GAB4: variants seen among roughly 807,000 people sequenced by gnomAD.
The protein encoded by GAB4 is GRB2-associated-binding protein 4.
GAB4 carries 26 observed loss-of-function variants against 51.3 expected under a neutral mutation model. That is an observed-to-expected ratio of 0.51 (90% CI 0.37 to 0.70). GAB4 has a LOEUF of 0.70. Ranked by LOEUF, GAB4 falls within the 30% of genes least tolerant of loss-of-function variation. GAB4 has a pLI of 0.00. For missense variants in GAB4, 759 were observed against 734.6 expected (o/e 1.03, Z -0.38); for synonymous variants, 329 against 291.2 (o/e 1.13, Z -1.32).
intron 3 of GAB4, 49 bp downstream of exon 3, chr22:16,987,911 C>A (rs2060881039): frequency 7.0e-7 from 1 of 1,422,812 alleles, no homozygotes; most frequent in Admixed American, 2.0e-5. Context: ...CTGAATAGAA[C>A]AAGACCTTGT....
At chr22:16,993,165 G>A (rs1203475660) in intron 1 of GAB4, among the ~76,000 whole-genome samples, 16 of 152,080 alleles carry the variant, frequency 1.1e-4, no homozygotes, top group Admixed American at 1.0e-3. Flanking sequence ...AGTGATCCAT[G>A]AGCAGACACC....
intron 1 of GAB4, among the ~76,000 whole-genome samples, chr22:16,998,237 G>A (rs549682886): frequency 6.6e-6 from 1 of 152,330 alleles, no homozygotes; most frequent in Admixed American, 6.5e-5. Context: ...ACCTTGGGCA[G>A]TGTGGCCATT....
rs1406388381 is a variant in GAB4, at chr22:16,967,839, G to C, written c.1023+459C>G. Among the ~76,000 whole-genome samples, 7 of 152,292 alleles carry C rather than the reference G, an allele frequency of 4.6e-5. No individual in the cohort carries two copies. In the East Asian group the frequency reaches 1.3e-3, roughly 29 times the overall value. On this transcript the variant is annotated intron_variant, in intron 5 of 9. Transcript: ENST00000400588. ...ATCCATCCACCTCACCTGACTCTGAGTACTGCCCTTGCCTTGAGGCTCACA... is the reference window on the plus strand; with the variant it reads ...ATCCATCCACCTCACCTGACTCTGACTACTGCCCTTGCCTTGAGGCTCACA...
In GAB4 at chr22:16,966,102, T is replaced by C; in HGVS notation, c.1286A>G (p.Lys429Arg). 1 of 1,613,698 alleles carries C rather than the reference T, an allele frequency of 6.2e-7. No homozygotes were observed. Among genetic ancestry groups the C allele is most frequent in the Non-Finnish European group, 8.5e-7 (1 of 1,179,816 alleles). The stretch of plus-strand genomic sequence containing the variant: ...AAATAGAATGGGGAAAGACTTACCC[T>C]TCTGGTTAGGCTTGAGGCTGCGGTT... ...PVNRSLKPNQ[K>R]ANPTPPNLRN... The change falls in exon 6 of 10, where the codon AAG (lysine) becomes AGG (arginine). Residue 429 changes from lysine to arginine, a missense_variant and splice_region_variant. Physicochemically the swap from Lys to Arg is conservative, Grantham distance 26. Around this residue, in one of 3 missense-constraint regions of GAB4, gnomAD observed 588 missense variants for 510.2 expected, o/e 1.15. Coordinates refer to ENST00000400588, the MANE Select transcript of GAB4 (RefSeq NM_001037814.1).
At chr22:16,973,094 A>T (rs1297886223) in intron 3 of GAB4, among the ~76,000 whole-genome samples, 3 of 152,130 alleles carry the variant, frequency 2.0e-5, no homozygotes, top group African/African-American at 7.2e-5. Flanking sequence ...CTTCAAATTC[A>T]GCTCAAAAGG....
intron 9 of GAB4, among the ~76,000 whole-genome samples, chr22:16,963,181 C>T (rs2123631732): frequency 6.6e-6 from 1 of 152,294 alleles, no homozygotes; most frequent in South Asian, 2.1e-4. Context: ...CAGGAAATTT[C>T]CCAGGTGTCA....
At chr22:16,970,509 A>G (rs1003676658) in intron 3 of GAB4, among the ~76,000 whole-genome samples, 6 of 152,142 alleles carry the variant, frequency 3.9e-5, no homozygotes, top group Non-Finnish European at 8.8e-5. Flanking sequence ...CTCTCCCCCA[A>G]TGGCTGTGAT....
At chr22:16,985,489 G>T (rs183215219) in intron 3 of GAB4, among the ~76,000 whole-genome samples, 2 of 152,282 alleles carry the variant, frequency 1.3e-5, no homozygotes, top group Admixed American at 1.3e-4. Flanking sequence ...TCAAACAATT[G>T]TTTTCTAATG....
chr22:16,962,663 A>C lies in GAB4; in HGVS notation c.*70T>G. ...TAAGGGATGCGGTCCCTGATATTAC[A>C]GAGCTTTAGAGTGTGGCGGAGCAGC... On this transcript the variant is annotated 3_prime_UTR_variant, in exon 10 of 10. Coordinates refer to ENST00000400588, the MANE Select transcript of GAB4 (RefSeq NM_001037814.1). The C allele has an allele frequency of 1.4e-5, 19 of 1,398,836 alleles. No homozygotes were observed. The highest frequency in any genetic ancestry group is 1.8e-5 in the Non-Finnish European group (18 of 1,025,742). 86.7% of individuals were successfully genotyped at this position (1,398,836 alleles called of 1,614,324 possible).
At chr22:16,980,400 G>T (rs1000725758) in intron 3 of GAB4, among the ~76,000 whole-genome samples, 3 of 151,974 alleles carry the variant, frequency 2.0e-5, no homozygotes, top group African/African-American at 7.2e-5. Flanking sequence ...CCACAAACAT[G>T]AAAAAAAGCT....
chr22:16,986,439 C>T (rs1488474010), intron 3 of GAB4, among the ~76,000 whole-genome samples: 3 of 152,204 alleles, frequency 2.0e-5, no homozygotes, highest in Non-Finnish European at 4.4e-5. Flanking sequence ...GGGAGAACCA[C>T]AGGTAACAGG....
rs377319203 is a variant in GAB4, at chr22:16,979,573, C to T, written c.686+8387G>A. Reference sequence around the variant, plus strand: ...GCTCATGGATAGGAAGAATCAATATCGTGAAAATGGCCATACTGCCCAAAG... The same window carrying T: ...GCTCATGGATAGGAAGAATCAATATTGTGAAAATGGCCATACTGCCCAAAG... On this transcript the variant is annotated intron_variant, in intron 3 of 9. Transcript: ENST00000400588. 5.2e-4 allele frequency among the ~76,000 whole-genome samples: 79 copies of T among 152,232 alleles called. No individual in the cohort carries two copies. In the East Asian group the frequency reaches 0.013, roughly 26 times the overall value.
intron 1 of GAB4, among the ~76,000 whole-genome samples, chr22:16,994,579 T>G (rs1261227230): frequency 6.6e-6 from 1 of 152,234 alleles, no homozygotes; most frequent in Non-Finnish European, 1.5e-5. Flanking sequence ...TTATTTCAAT[T>G]TTGTGTAAAT....
chr22:16,975,113 G>A lies in GAB4; in HGVS notation c.687-4920C>T, dbSNP rs2060766081. On this transcript the variant is annotated intron_variant, in intron 3 of 9. Coordinates refer to ENST00000400588, the MANE Select transcript of GAB4 (RefSeq NM_001037814.1). ...GGCAGACTCCGAGCTAGCTGTAGGAGTTTTTTTCCATACCCTAGTGGCGCC... is the reference window on the plus strand; with the variant it reads ...GGCAGACTCCGAGCTAGCTGTAGGAATTTTTTTCCATACCCTAGTGGCGCC... Among the ~76,000 whole-genome samples, 3 of 152,322 alleles carry A rather than the reference G, an allele frequency of 2.0e-5. No individual in the cohort carries two copies. The South Asian group carries it at 6.2e-4, about 32-fold the overall frequency.
At chr22:16,966,669 G>C (rs1346795921) in intron 5 of GAB4, 4 of 341,214 alleles carry the variant, frequency 1.2e-5, no homozygotes, top group Non-Finnish European at 2.2e-5. Flanking sequence ...TGGGAGGTTA[G>C]GGAGTAAGAG....
intron 5 of GAB4, chr22:16,967,419 G>C (rs114793108): frequency 1.3e-5 from 2 of 152,496 alleles, no homozygotes; most frequent in African/African-American, 2.4e-5. Context: ...GTCCTGACTC[G>C]GCACTGGCAG....
intron 3 of GAB4, among the ~76,000 whole-genome samples, chr22:16,973,735 T>C (rs2060753551): frequency 6.6e-6 from 1 of 152,056 alleles, no homozygotes; most frequent in Admixed American, 6.6e-5. Context: ...ATGCACTCAC[T>C]CTGTCTGGTG....
intron 1 of GAB4, among the ~76,000 whole-genome samples, chr22:16,997,921 G>C (rs2060963327): frequency 6.6e-6 from 1 of 152,138 alleles, no homozygotes; most frequent in Non-Finnish European, 1.5e-5. Flanking sequence ...CCCATTTCTT[G>C]TTTTTCTCAG....
At chr22:16,988,190 G>A in intron 2 of GAB4, 23 bp from the exon 3 acceptor site, 1 of 1,555,698 alleles carries the variant, frequency 6.4e-7, no homozygotes, top group Non-Finnish European at 8.9e-7. Flanking sequence ...CAGGAAGGAA[G>A]GGCATCCTTG....
Sources: allele counts gnomAD v4.1 joint callset (sites outside exome capture counted in the v4.1 genomes callset), GRCh38; gene constraint gnomAD v4.1.1; regional missense constraint gnomAD v4.1.1; transcripts MANE v1.5; gene names NCBI Gene and HGNC (gene_info 2026-07-23, HGNC 2026-07-21).